The following MDGA2 variants were observed in gnomAD, a reference collection of about 807,000 sequenced individuals.
The protein encoded by MDGA2 is MAM domain containing glycosylphosphatidylinositol anchor 2, also known as MAM domain-containing glycosylphosphatidylinositol anchor protein 2.
In MDGA2, 40 loss-of-function variants were observed where a neutral mutation model predicts 117.8. The ratio of observed to expected loss-of-function variants is 0.34; its 90% CI spans 0.26 to 0.44. The LOEUF is 0.44. Among genes scored for constraint, MDGA2 ranks in the 20% least tolerant of loss-of-function variants. The probability of loss-of-function intolerance (pLI) is 1.00; values close to 1 mark genes in which losing one functional copy is unlikely to be tolerated. For missense variants in MDGA2, 1,123 were observed against 1,250.6 expected, an observed-to-expected ratio of 0.90 and a Z score of 1.54; for synonymous variants, 452 against 439.0, an observed-to-expected ratio of 1.03 and a Z score of -0.37.
chr14:47,295,971 TA>T (rs1377360664), intron 2 of MDGA2, among the ~76,000 whole-genome samples: 171 of 151,574 alleles, frequency 1.1e-3, no homozygotes, highest in Middle Eastern at 3.4e-3. Context: ...GATAGATAGA[TA>T]GATAGATATA....
intron 1 of MDGA2, among the ~76,000 whole-genome samples, chr14:47,348,167 ATGTGTGTGTGTG>A (rs56850503): frequency 3.5e-5 from 5 of 143,448 alleles, no homozygotes; most frequent in East Asian, 2.1e-4. Flanking sequence ...CTCTCTGTAT[ATGTGTGTGTGTG>A]TGTGTGTGTG....
At chr14:47,141,403 C>T (rs1362697444) in intron 4 of MDGA2, among the ~76,000 whole-genome samples, 2 of 152,116 alleles carry the variant, frequency 1.3e-5, no homozygotes, top group Non-Finnish European at 2.9e-5. Flanking sequence ...AAGTGTCCAT[C>T]AACAGATGAA....
rs563324015 is a variant in MDGA2, at chr14:47,424,876, T to C, written c.281-123326A>G. Among the ~76,000 whole-genome samples, 13 of 152,266 alleles carry C rather than the reference T, an allele frequency of 8.5e-5. 1 individual carries two copies. The South Asian group carries it at 2.7e-3, about 32-fold the overall frequency. ...AAACAACCATCCATAATCTCATAGT[T>C]TTTATTTTTCTAACTCTAAAGGATA... On this transcript the variant is annotated intron_variant, in intron 1 of 16. Transcript: ENST00000399232.
intron 6 of MDGA2, among the ~76,000 whole-genome samples, chr14:47,073,396 C>T (rs374406250): frequency 7.9e-5 from 12 of 152,202 alleles, no homozygotes; most frequent in African/African-American, 2.9e-4. Flanking sequence ...CCTCAATCTC[C>T]CAAATCTGTA....
At chr14:47,388,905 C>G (rs1387071579) in intron 1 of MDGA2, among the ~76,000 whole-genome samples, 1 of 152,172 alleles carries the variant, frequency 6.6e-6, no homozygotes, top group African/African-American at 2.4e-5. Context: ...CTCTCAGTTA[C>G]AAGCATATGT....
intron 1 of MDGA2, among the ~76,000 whole-genome samples, chr14:47,365,232 A>C (rs183646778): frequency 6.6e-6 from 1 of 152,330 alleles, no homozygotes; most frequent in East Asian, 1.9e-4. Context: ...TCTGGATTAG[A>C]AGGAAGACAT....
intron 1 of MDGA2, among the ~76,000 whole-genome samples, chr14:47,436,920 C>A (rs377616313): frequency 1.7e-4 from 26 of 152,234 alleles, no homozygotes; most frequent in African/African-American, 6.0e-4. Flanking sequence ...CCCTTGAGTT[C>A]TCCTCTGTGT....
At chr14:47,390,890 C>A (rs559563527) in intron 1 of MDGA2, among the ~76,000 whole-genome samples, 1 of 152,094 alleles carries the variant, frequency 6.6e-6, no homozygotes, top group Admixed American at 6.6e-5. Context: ...TGGCTGAATT[C>A]TTTTCCTACC....
intron 9 of MDGA2, among the ~76,000 whole-genome samples, chr14:46,933,756 T>C (rs1884667220): frequency 7.0e-6 from 1 of 143,870 alleles, no homozygotes; most frequent in Non-Finnish European, 1.5e-5. Context: ...CTTTTTGACA[T>C]TGTCCTACAG....
At chr14:46,906,522 C>T (rs1366319389) in intron 10 of MDGA2, among the ~76,000 whole-genome samples, 1 of 151,890 alleles carries the variant, frequency 6.6e-6, no homozygotes, top group East Asian at 1.9e-4. Flanking sequence ...TCTAGTAAAA[C>T]CATTAATTAA....
chr14:46,956,809 T>C (rs1183231108), intron 9 of MDGA2, among the ~76,000 whole-genome samples: 1 of 152,168 alleles, frequency 6.6e-6, no homozygotes, highest in African/African-American at 2.4e-5. Flanking sequence ...GGGAGGGCTC[T>C]AGTGGGAGGT....
intron 5 of MDGA2, among the ~76,000 whole-genome samples, chr14:47,113,709 C>T (rs1269551015): frequency 6.6e-6 from 1 of 152,140 alleles, no homozygotes; most frequent in Non-Finnish European, 1.5e-5. Flanking sequence ...TTCAACATCC[C>T]TTCATGTTAA....
chr14:47,479,888 C>T (rs186524085), intron 1 of MDGA2, among the ~76,000 whole-genome samples: 1 of 152,062 alleles, frequency 6.6e-6, no homozygotes, highest in Non-Finnish European at 1.5e-5. Flanking sequence ...CTTCCAGTTC[C>T]TACAATACCT....
chr14:47,450,219 G>A (rs1893212372), intron 1 of MDGA2, among the ~76,000 whole-genome samples: 1 of 151,888 alleles, frequency 6.6e-6, no homozygotes, highest in Admixed American at 6.6e-5. Context: ...TTAGCATGTG[G>A]TAACAAATAT....
At chr14:47,474,234 T>C (rs1893788817) in intron 1 of MDGA2, among the ~76,000 whole-genome samples, 1 of 151,968 alleles carries the variant, frequency 6.6e-6, no homozygotes, top group Admixed American at 6.6e-5. Flanking sequence ...AATTCTAAAC[T>C]GATACAAAGA....
chr14:47,381,742 C>T (rs902930984), intron 1 of MDGA2, among the ~76,000 whole-genome samples: 21 of 152,292 alleles, frequency 1.4e-4, no homozygotes, highest in Middle Eastern at 3.4e-3. Context: ...ACATTCCATG[C>T]TCATGGGTAC....
In MDGA2 at chr14:47,636,066, A is replaced by G. The variant is rs147812658; in HGVS notation, c.280+38451T>C. On this transcript the variant is annotated intron_variant, in intron 1 of 16. Transcript: ENST00000399232. ...GCAGGATAAATCGGAAATTTTTTTC[A>G]AAAAGCTACTTAGGGAATAAGGCTT... is the stretch of plus-strand genomic sequence containing the variant. Among the ~76,000 whole-genome samples, 540 of 152,264 alleles carry G rather than the reference A, an allele frequency of 3.5e-3. 3 individuals are homozygous for G. The highest frequency in any genetic ancestry group is 0.012 in the African/African-American group (517 of 41,550).
At chr14:47,302,958 G>GA (rs1431037618) in intron 1 of MDGA2, among the ~76,000 whole-genome samples, 1 of 152,122 alleles carries the variant, frequency 6.6e-6, no homozygotes, top group Non-Finnish European at 1.5e-5. Context: ...ACTCAACCTT[G>GA]AAACTCAGAA....
chr14:47,330,211 G>T (rs1251597017), intron 1 of MDGA2, among the ~76,000 whole-genome samples: 1 of 151,652 alleles, frequency 6.6e-6, no homozygotes, highest in Non-Finnish European at 1.5e-5. Flanking sequence ...TTTATATCAG[G>T]TATTTTGTAT....
Sources: gnomAD v4.1 joint callset for allele counts (sites outside exome capture counted in the v4.1 genomes callset) on GRCh38, gnomAD v4.1.1 for gene constraint, MANE v1.5 for transcripts, NCBI Gene and HGNC (gene_info 2026-07-23, HGNC 2026-07-21) for gene names.